The following PDGFRL variants were observed in gnomAD, a reference collection of about 807,000 sequenced individuals.
The protein encoded by PDGFRL is platelet-derived growth factor receptor-like protein.
PDGFRL carries 46 observed loss-of-function variants against 37.2 expected under a neutral mutation model. The observed-to-expected ratio is 1.24, with a 90% confidence interval of 0.98 to 1.58. The LOEUF (loss-of-function observed/expected upper bound fraction) is 1.58. Among genes scored for constraint, PDGFRL ranks in the 40% most tolerant of loss-of-function variants. The probability of loss-of-function intolerance (pLI) is 0.00; values close to 1 mark genes in which losing one functional copy is unlikely to be tolerated. For synonymous variants in PDGFRL, 251 were observed against 184.3 expected, an observed-to-expected ratio of 1.36 and a Z score of -2.93; for missense variants, 692 against 467.6, an observed-to-expected ratio of 1.48 and a Z score of -4.43.
intron 2 of PDGFRL, among the ~76,000 whole-genome samples, chr8:17,590,273 C>T (rs922270266): frequency 3.4e-5 from 3 of 87,248 alleles, no homozygotes; most frequent in African/African-American, 9.7e-5. Context: ...ATCCTACCAA[C>T]ATTTGCTGAA....
chr8:17,601,189 C>G (rs940703390), intron 2 of PDGFRL, among the ~76,000 whole-genome samples: 1 of 152,206 alleles, frequency 6.6e-6, no homozygotes, highest in Non-Finnish European at 1.5e-5. Flanking sequence ...CCCACTTCTT[C>G]CTATCACAAC....
At chr8:17,589,188 A>G (rs2720560) in intron 1 of PDGFRL, among the ~76,000 whole-genome samples, 144,378 of 152,076 alleles carry the variant, frequency 0.95, 68,994 homozygotes, top group East Asian at 1. Context: ...GACCAGCCTG[A>G]CCAACGTGCT....
chr8:17,581,926 G>T (rs188775140), intron 1 of PDGFRL, among the ~76,000 whole-genome samples: 12 of 152,324 alleles, frequency 7.9e-5, no homozygotes, highest in Admixed American at 7.8e-4. Context: ...ATACCTGAAA[G>T]TGTGGAAGCA....
intron 1 of PDGFRL, among the ~76,000 whole-genome samples, chr8:17,581,668 C>T (rs1421154171): frequency 1.3e-5 from 2 of 152,170 alleles, no homozygotes; most frequent in East Asian, 1.9e-4. Context: ...TCTGGTCCCT[C>T]CTCCTCCCAC....
At chr8:17,625,439 T>C (rs1299901850) in intron 3 of PDGFRL, among the ~76,000 whole-genome samples, 2 of 133,668 alleles carry the variant, frequency 1.5e-5, no homozygotes, top group Non-Finnish European at 3.2e-5. Context: ...CGTGAGCCAC[T>C]GCACCTGGTC....
intron 1 of PDGFRL, among the ~76,000 whole-genome samples, chr8:17,587,093 C>T (rs904698066): frequency 6.6e-6 from 1 of 152,114 alleles, no homozygotes; most frequent in African/African-American, 2.4e-5. Flanking sequence ...AATTCCAATA[C>T]CGTCTGGGTA....
chr8:17,617,645 A>G (rs951303792), intron 2 of PDGFRL, among the ~76,000 whole-genome samples: 1 of 152,166 alleles, frequency 6.6e-6, no homozygotes, highest in Non-Finnish European at 1.5e-5. Context: ...TTCCTGTTTT[A>G]TATTGTTTGC....
intron 2 of PDGFRL, among the ~76,000 whole-genome samples, chr8:17,607,895 C>G (rs1433702507): frequency 1.3e-5 from 2 of 152,170 alleles, no homozygotes; most frequent in Non-Finnish European, 2.9e-5. Flanking sequence ...TAGAATGGCA[C>G]ATTTATAAAA....
intron 4 of PDGFRL, among the ~76,000 whole-genome samples, chr8:17,631,011 C>T (rs1029638368): frequency 6.6e-6 from 1 of 152,070 alleles, no homozygotes; most frequent in Non-Finnish European, 1.5e-5. Flanking sequence ...CCAGAACATA[C>T]AGTGGAGACA....
At chr8:17,632,522 A>G (rs1232633466) in intron 4 of PDGFRL, among the ~76,000 whole-genome samples, 2 of 152,102 alleles carry the variant, frequency 1.3e-5, no homozygotes, top group Non-Finnish European at 2.9e-5. Flanking sequence ...CTTTTAGTAG[A>G]GATGGGGTTT....
intron 4 of PDGFRL, among the ~76,000 whole-genome samples, chr8:17,631,774 A>G (rs547627444): frequency 1.3e-5 from 2 of 150,972 alleles, no homozygotes; most frequent in South Asian, 4.2e-4. Context: ...CCCTGGCTCC[A>G]TTTTTCCCAG....
chr8:17,582,109 CAG>C (rs1803719955), intron 1 of PDGFRL, among the ~76,000 whole-genome samples: 1 of 152,140 alleles, frequency 6.6e-6, no homozygotes, highest in South Asian at 2.1e-4. Flanking sequence ...GAAATGGAAA[CAG>C]ATAACTTATT....
rs941044733 is a variant in PDGFRL, at chr8:17,588,689, A to T, written c.56-779A>T. Among the ~76,000 whole-genome samples the T allele has an allele frequency of 1.3e-3, 196 of 152,110 alleles. 2 individuals are homozygous for T. In the East Asian group the frequency reaches 0.033, roughly 26 times the overall value. On this transcript the variant is annotated intron_variant, in intron 1 of 5. Transcript: ENST00000251630. Reference sequence around the variant, plus strand: ...TTCCGTTTCTAACGTTAAACACAAAATATTTTGCGTGCACTTTCAGCACAG... The same window carrying T: ...TTCCGTTTCTAACGTTAAACACAAATTATTTTGCGTGCACTTTCAGCACAG...
chr8:17,576,874 A>T (rs975039903), upstream of PDGFRL: 6 of 255,694 alleles, frequency 2.3e-5, no homozygotes, highest in Non-Finnish European at 4.2e-5. Context: ...TAACATTTGG[A>T]CAATCGTGGT....
intron 3 of PDGFRL, among the ~76,000 whole-genome samples, chr8:17,623,743 G>A (rs564860214): frequency 6.6e-6 from 1 of 152,048 alleles, no homozygotes; most frequent in South Asian, 2.1e-4. Context: ...GCGTGGTGGT[G>A]CACAGTTGTG....
chr8:17,628,667 G>T lies in PDGFRL; in HGVS notation c.686G>T (p.Arg229Leu). 6.2e-7 allele frequency: 1 copy of T among 1,613,920 alleles called. No individual in the cohort carries two copies. Among genetic ancestry groups the T allele is most frequent in the South Asian group, 1.1e-5 (1 of 91,078 alleles). Reference protein sequence around the residue: ...NGTDIVYDMKRGFVYLQPHSE... With the variant: ...NGTDIVYDMKLGFVYLQPHSE... Reference sequence around the variant, plus strand: ...ACGGACATTGTTTATGACATGAAGCGGGGCTTTGTGTATCTGCAACCTCAT... The same window carrying T: ...ACGGACATTGTTTATGACATGAAGCTGGGCTTTGTGTATCTGCAACCTCAT... The change falls in exon 4 of 6, where the codon CGG becomes CTG. Residue 229 changes from arginine (R) to leucine (L), a missense_variant. By Grantham distance (102) the Arg-to-Leu change is moderately radical (BLOSUM62 -2). Transcript: ENST00000251630.
rs1450179034 is a variant in PDGFRL at position 17,628,797 on chromosome 8, C to T, written c.799+17C>T. 2 of 1,593,004 alleles carry T rather than the reference C, an allele frequency of 1.3e-6. No individual in the cohort carries two copies. The highest frequency in any genetic ancestry group is 2.2e-5 in the East Asian group (1 of 44,734). ...ATGTGGCGGGTAAGCCTGGCCACCCCTGCCTAGATTCTAGTTAGTCCCCTG... is the reference window on the plus strand; with the variant it reads ...ATGTGGCGGGTAAGCCTGGCCACCCTTGCCTAGATTCTAGTTAGTCCCCTG... On this transcript the variant is annotated intron_variant, in intron 4 of 5. Transcript: ENST00000251630.
intron 5 of PDGFRL, among the ~76,000 whole-genome samples, chr8:17,640,640 G>A (rs1311173094): frequency 6.6e-6 from 1 of 152,206 alleles, no homozygotes; most frequent in African/African-American, 2.4e-5. Context: ...AGGTCTCTCA[G>A]CCATGGATGC....
intron 5 of PDGFRL, among the ~76,000 whole-genome samples, chr8:17,640,062 G>T (rs1369911290): frequency 6.6e-6 from 1 of 152,124 alleles, no homozygotes; most frequent in African/African-American, 2.4e-5. Flanking sequence ...TGGTTGTTCA[G>T]TTCTATTGCT....
Sources: gnomAD v4.1 joint callset for allele counts (sites outside exome capture counted in the v4.1 genomes callset) on GRCh38, gnomAD v4.1.1 for gene constraint, MANE v1.5 for transcripts, NCBI Gene and HGNC (gene_info 2026-07-23, HGNC 2026-07-21) for gene names.